MCTP1: variants seen among roughly 807,000 people sequenced by gnomAD.
MCTP1 encodes the protein multiple C2 and transmembrane domain containing 1.
MCTP1 carries 69 observed loss-of-function variants against 120.6 expected under a neutral mutation model. The observed-to-expected ratio is 0.57, with a 90% confidence interval of 0.47 to 0.70. The LOEUF is 0.70. Among genes scored for constraint, MCTP1 ranks in the 30% least tolerant of loss-of-function variants. The probability of loss-of-function intolerance (pLI) is 0.00; values close to 1 mark genes in which losing one functional copy is unlikely to be tolerated. For missense variants in MCTP1, 1,203 were observed against 1,248.8 expected (o/e 0.96, Z 0.55); for synonymous variants, 529 against 493.1 (o/e 1.07, Z -0.96).
At chr5:94,894,255 C>T (rs975483718) in intron 11 of MCTP1, among the ~76,000 whole-genome samples, 15 of 152,170 alleles carry the variant, frequency 9.9e-5, no homozygotes, top group East Asian at 3.8e-4. Flanking sequence ...TACTAATTAA[C>T]GTAAGTACCA....
intron 2 of MCTP1, among the ~76,000 whole-genome samples, chr5:94,953,979 T>C (rs1821540442): frequency 1.3e-5 from 1 of 78,984 alleles, no homozygotes; most frequent in Admixed American, 1.7e-4. Context: ...TATATATGCA[T>C]ATATATACAA....
chr5:94,923,699 T>C (rs1370930397), intron 7 of MCTP1, among the ~76,000 whole-genome samples: 1 of 152,222 alleles, frequency 6.6e-6, no homozygotes, highest in East Asian at 1.9e-4. Context: ...CCTGGGACTC[T>C]AGCTTCTCAG....
At chr5:95,054,662 A>C (rs759149313) in intron 1 of MCTP1, among the ~76,000 whole-genome samples, 41 of 152,316 alleles carry the variant, frequency 2.7e-4, no homozygotes, top group Non-Finnish European at 4.7e-4. Context: ...CTGAATCCCC[A>C]CCATGTGAAA....
intron 17 of MCTP1, among the ~76,000 whole-genome samples, chr5:94,858,649 T>C (rs140648446): frequency 2.0e-5 from 3 of 151,780 alleles, no homozygotes; most frequent in East Asian, 1.9e-4. Flanking sequence ...TTACTAGTCA[T>C]TGGGGGAAAA....
intron 1 of MCTP1, among the ~76,000 whole-genome samples, chr5:95,206,675 C>A (rs1751655839): frequency 6.6e-6 from 1 of 152,128 alleles, no homozygotes; most frequent in East Asian, 1.9e-4. Context: ...GCTGGGACTT[C>A]AGGCGTGTGC....
intron 1 of MCTP1, among the ~76,000 whole-genome samples, chr5:95,211,561 T>C (rs1752377939): frequency 6.6e-6 from 1 of 152,316 alleles, no homozygotes; most frequent in East Asian, 1.9e-4. Flanking sequence ...TTGGTTATTC[T>C]AGTTATACAT....
intron 7 of MCTP1, among the ~76,000 whole-genome samples, chr5:94,920,566 C>A (rs1811337361): frequency 6.6e-6 from 1 of 151,728 alleles, no homozygotes; most frequent in Non-Finnish European, 1.5e-5. Flanking sequence ...CACATGAAAC[C>A]CCGTCTCTAC....
chr5:95,241,091 T>C (rs1424101970), intron 1 of MCTP1, among the ~76,000 whole-genome samples: 1 of 152,310 alleles, frequency 6.6e-6, no homozygotes, highest in Admixed American at 6.5e-5. Context: ...TGAAACCTTA[T>C]TGAGCACATA....
intron 1 of MCTP1, chr5:95,038,175 C>T (rs913181901): frequency 3.9e-5 from 37 of 949,932 alleles, no homozygotes; most frequent in Middle Eastern, 5.4e-4. Context: ...CAAGTTATTC[C>T]TTCCAGGTAT....
In MCTP1 at chr5:95,085,067, C is replaced by T. The variant is rs115535578; in HGVS notation, c.721-67583G>A. 7.9e-3 allele frequency among the ~76,000 whole-genome samples: 1,196 copies of T among 152,222 alleles called. 23 individuals carry two copies. Among genetic ancestry groups the T allele is most frequent in the African/African-American group, 0.028 (1,149 of 41,538 alleles). ...TAACTTAAACCTCCTACTCTGTTGA[C>T]ACCCTCCTTCCATTCTCCTTGCCTC... On this transcript the variant is annotated intron_variant, in intron 1 of 22. Coordinates refer to ENST00000515393, the MANE Select transcript of MCTP1 (RefSeq NM_024717.7).
At chr5:94,913,021 C>T (rs745481862) in intron 8 of MCTP1, 45 bp from the exon 9 acceptor site, 12 of 1,481,744 alleles carry the variant, frequency 8.1e-6, no homozygotes, top group South Asian at 4.1e-5. Flanking sequence ...GTTTTAAACC[C>T]AAAAACCTCA....
intron 19 of MCTP1, among the ~76,000 whole-genome samples, chr5:94,773,975 G>A (rs1425262685): frequency 2.5e-5 from 1 of 39,308 alleles, no homozygotes; most frequent in Non-Finnish European, 4.7e-5. Flanking sequence ...TTGGGAGGCC[G>A]AGGCGGGCGG....
intron 1 of MCTP1, among the ~76,000 whole-genome samples, chr5:95,242,497 T>G (rs1446330653): frequency 1.3e-5 from 2 of 152,122 alleles, no homozygotes; most frequent in African/African-American, 2.4e-5. Flanking sequence ...AGCCCAAAGG[T>G]CCATTAACAG....
intron 17 of MCTP1, among the ~76,000 whole-genome samples, chr5:94,841,923 C>G (rs538332766): frequency 6.6e-6 from 1 of 152,226 alleles, no homozygotes; most frequent in East Asian, 1.9e-4. Context: ...AGGATTAGCT[C>G]AGGAAAAACA....
chr5:95,112,296 A>G (rs746317232), intron 1 of MCTP1, among the ~76,000 whole-genome samples: 8 of 152,232 alleles, frequency 5.3e-5, no homozygotes, highest in Non-Finnish European at 1.2e-4. Flanking sequence ...ATGCCCAAGC[A>G]CTAGTATTTT....
chr5:95,046,367 C>A (rs2151950865), intron 1 of MCTP1, among the ~76,000 whole-genome samples: 1 of 152,274 alleles, frequency 6.6e-6, no homozygotes. Context: ...GCTAATTTCA[C>A]AATTTGACTG....
intron 2 of MCTP1, among the ~76,000 whole-genome samples, chr5:95,002,153 C>T (rs1029886276): frequency 2.6e-5 from 4 of 152,204 alleles, no homozygotes; most frequent in Non-Finnish European, 4.4e-5. Context: ...TTGAGAACCT[C>T]CACCTAGATT....
At chr5:95,033,454 A>G (rs966003418) in intron 1 of MCTP1, among the ~76,000 whole-genome samples, 1 of 152,158 alleles carries the variant, frequency 6.6e-6, no homozygotes, top group Non-Finnish European at 1.5e-5. Flanking sequence ...GATGCACCAC[A>G]TAAACAGAAT....
At chr5:95,278,064 C>T (rs1256569485) in intron 1 of MCTP1, among the ~76,000 whole-genome samples, 1 of 149,192 alleles carries the variant, frequency 6.7e-6, no homozygotes, top group African/African-American at 2.5e-5. Flanking sequence ...ACTTTAGGGA[C>T]ATTGCAGCCT....
Sources: allele counts gnomAD v4.1 joint callset (sites outside exome capture counted in the v4.1 genomes callset), GRCh38; gene constraint gnomAD v4.1.1; transcripts MANE v1.5; gene names NCBI Gene and HGNC (gene_info 2026-07-23, HGNC 2026-07-21).